GRM5: variants seen among roughly 807,000 people sequenced by gnomAD.
GRM5 encodes glutamate metabotropic receptor 5, also known as metabotropic glutamate receptor 5.
A neutral mutation model predicts 83.1 loss-of-function variants in GRM5; 19 were observed. The observed-to-expected ratio is 0.23, with a 90% CI of 0.16 to 0.34. The LOEUF is 0.34. GRM5 is among the 10% of genes least tolerant of loss of function. The pLI is 1.00. For missense variants in GRM5, 1,160 were observed against 1,588.3 expected (o/e 0.73, Z 4.58); for synonymous variants, 675 against 633.6 (o/e 1.07, Z -0.98).
At chr11:88,713,010 G>A (rs1285828318) in intron 3 of GRM5, among the ~76,000 whole-genome samples, 1 of 151,976 alleles carries the variant, frequency 6.6e-6, no homozygotes, top group Admixed American at 6.6e-5. Context: ...GTAGGCTCCA[G>A]TTTACAAAAA....
At chr11:88,859,590 T>C (rs1325921361) in intron 2 of GRM5, among the ~76,000 whole-genome samples, 2 of 152,160 alleles carry the variant, frequency 1.3e-5, no homozygotes, top group Non-Finnish European at 2.9e-5. Flanking sequence ...TGCCAAATAA[T>C]TGACAGCTAG....
At chr11:89,035,534 T>G (rs1941363490) in intron 2 of GRM5, among the ~76,000 whole-genome samples, 1 of 151,796 alleles carries the variant, frequency 6.6e-6, no homozygotes, top group African/African-American at 2.4e-5. Context: ...AAAATACAAA[T>G]AATTATATTT....
chr11:88,925,930 C>A (rs774541913), intron 2 of GRM5: 21 of 274,898 alleles, frequency 7.6e-5, no homozygotes, highest in Admixed American at 1.9e-4. Context: ...AAAAGTGAGG[C>A]ACATTTCTTC....
intron 2 of GRM5, among the ~76,000 whole-genome samples, chr11:88,945,043 T>A (rs1938232910): frequency 6.6e-6 from 1 of 151,642 alleles, no homozygotes; most frequent in African/African-American, 2.4e-5. Context: ...TGTACAAAAA[T>A]CAGGAACATT....
intron 2 of GRM5, among the ~76,000 whole-genome samples, chr11:88,919,247 TA>T (rs1945647811): frequency 1.2e-5 from 1 of 81,224 alleles, no homozygotes; most frequent in South Asian, 5.0e-4. Context: ...GCTATATATA[TA>T]TATATATATC....
chr11:89,052,836 G>T (rs1308224369), intron 1 of GRM5, among the ~76,000 whole-genome samples: 1 of 152,122 alleles, frequency 6.6e-6, no homozygotes, highest in Non-Finnish European at 1.5e-5. Flanking sequence ...GAGGATTTCA[G>T]ATTTTTAATT....
At chr11:88,921,077 GT>G (rs33919966) in intron 2 of GRM5, among the ~76,000 whole-genome samples, 3 of 150,916 alleles carry the variant, frequency 2.0e-5, no homozygotes, top group African/African-American at 7.3e-5. Flanking sequence ...AGACCACTGC[GT>G]TTTTTTTTAA....
At chr11:88,568,092 T>C in intron 7 of GRM5, 100 bp from the exon 8 acceptor site, 1 of 681,702 alleles carries the variant, frequency 1.5e-6, no homozygotes, top group Non-Finnish European at 2.5e-6. Flanking sequence ...TTTCAGTTTG[T>C]TCCCCATCTA....
At chr11:88,910,490 T>C (rs1945478075) in intron 2 of GRM5, among the ~76,000 whole-genome samples, 1 of 152,142 alleles carries the variant, frequency 6.6e-6, no homozygotes, top group South Asian at 2.1e-4. Flanking sequence ...TTTAACTGTT[T>C]GTGGAACCAC....
intron 2 of GRM5, among the ~76,000 whole-genome samples, chr11:88,884,441 G>A (rs1945009089): frequency 6.6e-6 from 1 of 152,184 alleles, no homozygotes; most frequent in Admixed American, 6.5e-5. Context: ...CAGGCTCATA[G>A]GAGGAAGGAA....
chr11:88,581,000 C>A (rs948103959), intron 7 of GRM5, among the ~76,000 whole-genome samples: 2 of 152,098 alleles, frequency 1.3e-5, no homozygotes, highest in Non-Finnish European at 2.9e-5. Flanking sequence ...CACAGCTACT[C>A]AGGAGGCTGA....
At chr11:88,792,915 T>C (rs1006972978) in intron 3 of GRM5, among the ~76,000 whole-genome samples, 1 of 152,152 alleles carries the variant, frequency 6.6e-6, no homozygotes, top group African/African-American at 2.4e-5. Context: ...TTGTGGCCCA[T>C]GTAAGATGGG....
intron 2 of GRM5, among the ~76,000 whole-genome samples, chr11:88,968,918 G>T (rs546105049): frequency 1.3e-5 from 2 of 152,182 alleles, no homozygotes; most frequent in East Asian, 1.9e-4. Flanking sequence ...CCAGGATCGG[G>T]TTTTTTAGAT....
At chr11:88,563,293 A>G (rs933112845) in intron 8 of GRM5, among the ~76,000 whole-genome samples, 2 of 152,210 alleles carry the variant, frequency 1.3e-5, no homozygotes, top group Non-Finnish European at 2.9e-5. Flanking sequence ...TTCCAAAGCC[A>G]GAACTCTAAA....
intron 2 of GRM5, among the ~76,000 whole-genome samples, chr11:88,968,377 G>C (rs1939059567): frequency 6.6e-6 from 1 of 152,190 alleles, no homozygotes; most frequent in African/African-American, 2.4e-5. Flanking sequence ...GGAACTAGGG[G>C]TAGTTACTGC....
intron 3 of GRM5, among the ~76,000 whole-genome samples, chr11:88,786,770 C>T (rs188094326): frequency 1.3e-5 from 2 of 152,000 alleles, no homozygotes; most frequent in African/African-American, 4.8e-5. Context: ...CGTTACATAC[C>T]TTTCTGTGTC....
At chr11:89,001,701 A>G (rs1940387505) in intron 2 of GRM5, among the ~76,000 whole-genome samples, 3 of 152,162 alleles carry the variant, frequency 2.0e-5, no homozygotes. Flanking sequence ...AAAAACTGGT[A>G]AAGAGTATTT....
intron 3 of GRM5, among the ~76,000 whole-genome samples, chr11:88,744,847 C>T (rs1044214443): frequency 1.3e-5 from 2 of 152,080 alleles, no homozygotes; most frequent in Non-Finnish European, 2.9e-5. Flanking sequence ...ATTTGGCAAA[C>T]ACTGAGTTTA....
Position 88,567,381 on chromosome 11 carries a change from A to T in GRM5, c.2302T>A (p.Phe768Ile). The change falls in exon 8 of 10, where the codon TTC (phenylalanine) becomes ATC (isoleucine). Residue 768 changes from phenylalanine (F) to isoleucine (I), a missense_variant. Physicochemically the swap from Phe to Ile is conservative, Grantham distance 21 (BLOSUM62 0). Transcript: ENST00000305447. The surrounding 1 kb of genome is among the most constrained non-coding windows in gnomAD (Gnocchi z 7.3). The part of the protein sequence containing the change: ...AFKTRNVPAN[F>I]NEAKYIAFTM... Reference sequence around the variant, plus strand: ...AAGGCGATATACTTGGCCTCGTTGAAGTTAGCTGGAACATTTCTGGTCTTG... The same window carrying T: ...AAGGCGATATACTTGGCCTCGTTGATGTTAGCTGGAACATTTCTGGTCTTG... 5 of 1,614,132 alleles carry T rather than the reference A, an allele frequency of 3.1e-6. No homozygotes were observed. The highest frequency in any genetic ancestry group is 4.2e-6 in the Non-Finnish European group (5 of 1,179,968).
Sources: allele counts gnomAD v4.1 joint callset (sites outside exome capture counted in the v4.1 genomes callset), GRCh38; gene constraint gnomAD v4.1.1; non-coding constraint Gnocchi (gnomAD v3.1); transcripts MANE v1.5; gene names NCBI Gene and HGNC (gene_info 2026-07-23, HGNC 2026-07-21).